FMNL2: variants seen among roughly 807,000 people sequenced by gnomAD.
FMNL2 encodes the protein formin like 2, also known as formin-like protein 2.
In FMNL2, 51 loss-of-function variants were observed where a neutral mutation model predicts 130.2. The observed-to-expected ratio is 0.39, with a 90% CI of 0.31 to 0.49. The LOEUF (loss-of-function observed/expected upper bound fraction) is 0.49. FMNL2 is among the 20% of genes least tolerant of loss of function. FMNL2 has a pLI of 0.85. For missense variants in FMNL2, 977 were observed against 1,316.2 expected (o/e 0.74, Z 3.99); for synonymous variants, 465 against 467.1 (o/e 1.00, Z 0.06).
intron 4 of FMNL2, among the ~76,000 whole-genome samples, chr2:152,551,832 A>G (rs1438330381): frequency 6.6e-6 from 1 of 152,224 alleles, no homozygotes; most frequent in Non-Finnish European, 1.5e-5. Flanking sequence ...CTTGGGTAAC[A>G]TAGTGAGACC....
Position 152,580,847 on chromosome 2 carries a change from A to T in FMNL2, c.783-109A>T, listed in dbSNP as rs1008310940. The T allele has an allele frequency of 3.8e-5, 39 of 1,014,742 alleles. 1 individual carries two copies. Among genetic ancestry groups the T allele is most frequent in the Admixed American group, 1.9e-4 (8 of 42,332 alleles). 62.9% of individuals were successfully genotyped at this position (1,014,742 alleles called of 1,614,324 possible). A position where few individuals can be genotyped will look rare whatever the true frequency, so the allele number is the denominator to read the frequency against. ...AAACTGTACCTTAGTAAAATTTTTT[A>T]AAAATGTAAGGGCAAATGTTTTATT... On this transcript the variant is annotated intron_variant, in intron 8 of 25. Transcript: ENST00000288670.
intron 1 of FMNL2, among the ~76,000 whole-genome samples, chr2:152,422,545 G>T (rs757502152): frequency 2.0e-5 from 3 of 152,078 alleles, no homozygotes; most frequent in Non-Finnish European, 4.4e-5. Flanking sequence ...TTCCTTGGGA[G>T]ACAGGGTCTT....
At chr2:152,480,140 G>A (rs1237345195) in intron 1 of FMNL2, among the ~76,000 whole-genome samples, 2 of 152,138 alleles carry the variant, frequency 1.3e-5, no homozygotes, top group East Asian at 1.9e-4. Context: ...GACGTAGGTG[G>A]TGTAGCAGAC....
At chr2:152,453,163 G>A (rs1688742199) in intron 1 of FMNL2, among the ~76,000 whole-genome samples, 1 of 147,290 alleles carries the variant, frequency 6.8e-6, no homozygotes, top group Non-Finnish European at 1.5e-5. Flanking sequence ...GATCGCACCA[G>A]TACACTCCAG....
intron 15 of FMNL2, among the ~76,000 whole-genome samples, chr2:152,621,663 C>T (rs114659920): frequency 2.4e-3 from 370 of 152,260 alleles, no homozygotes; most frequent in African/African-American, 8.7e-3. Flanking sequence ...TTTGATAGCT[C>T]GAGATCAGGC....
chr2:152,346,809 A>C (rs1485211671), intron 1 of FMNL2, among the ~76,000 whole-genome samples: 1 of 152,146 alleles, frequency 6.6e-6, no homozygotes. Flanking sequence ...ACGGTGGCTC[A>C]GACTGGGTGC....
chr2:152,602,115 A>T (rs1030476014), intron 9 of FMNL2, among the ~76,000 whole-genome samples: 1 of 152,052 alleles, frequency 6.6e-6, no homozygotes, highest in Non-Finnish European at 1.5e-5. Context: ...TCCCATTTCT[A>T]CCCTTATAGC....
chr2:152,349,029 G>C (rs916057783), intron 1 of FMNL2, among the ~76,000 whole-genome samples: 1 of 130,532 alleles, frequency 7.7e-6, no homozygotes, highest in African/African-American at 3.1e-5. Flanking sequence ...TAGAGACGGG[G>C]TTTCACCTTG....
chr2:152,448,027 T>C (rs1188599842), intron 1 of FMNL2, among the ~76,000 whole-genome samples: 1 of 152,204 alleles, frequency 6.6e-6, no homozygotes, highest in Non-Finnish European at 1.5e-5. Flanking sequence ...AAAGGTGGCA[T>C]CTTCATTGAT....
chr2:152,432,704 TG>T (rs1202449730), intron 1 of FMNL2, among the ~76,000 whole-genome samples: 5 of 152,256 alleles, frequency 3.3e-5, no homozygotes, highest in Non-Finnish European at 5.9e-5. Context: ...CTTCTGAGGT[TG>T]AATTGGCATA....
chr2:152,355,838 A>G lies in FMNL2; in HGVS notation c.117+20118A>G, dbSNP rs78902046. 7.4e-3 allele frequency among the ~76,000 whole-genome samples: 1,122 copies of G among 152,342 alleles called. 17 individuals are homozygous for G. Among genetic ancestry groups the G allele is most frequent in the African/African-American group, 0.025 (1,059 of 41,580 alleles). ...CTACTGAGTGGTAGTTCTAATGGAC[A>G]TATTCTTAACAAAATAGTCCCAGCA... is the stretch of plus-strand genomic sequence containing the variant. On this transcript the variant is annotated intron_variant, in intron 1 of 25. Transcript: ENST00000288670.
chr2:152,361,595 A>T (rs17398773), intron 1 of FMNL2, among the ~76,000 whole-genome samples: 2 of 152,012 alleles, frequency 1.3e-5, no homozygotes, highest in East Asian at 1.9e-4. Context: ...AGATAGCATC[A>T]TTCTCATAAA....
chr2:152,598,586 G>A (rs2105806937), intron 9 of FMNL2, among the ~76,000 whole-genome samples: 1 of 152,226 alleles, frequency 6.6e-6, no homozygotes, highest in African/African-American at 2.4e-5. Flanking sequence ...CTACTCAGGA[G>A]GCTGAGGCAG....
At chr2:152,349,883 T>C (rs543533452) in intron 1 of FMNL2, among the ~76,000 whole-genome samples, 49 of 152,330 alleles carry the variant, frequency 3.2e-4, no homozygotes, top group African/African-American at 1.1e-3. Context: ...ATATGCTTTA[T>C]TCAGACAGTC....
chr2:152,441,690 G>T (rs191169403), intron 1 of FMNL2, among the ~76,000 whole-genome samples: 5 of 151,878 alleles, frequency 3.3e-5, no homozygotes, highest in Admixed American at 1.3e-4. Context: ...TACAAAATTA[G>T]TTGGGCATGG....
intron 2 of FMNL2, among the ~76,000 whole-genome samples, chr2:152,529,354 A>G (rs1279446091): frequency 6.6e-6 from 1 of 152,090 alleles, no homozygotes; most frequent in Non-Finnish European, 1.5e-5. Context: ...GGACGAGGTT[A>G]TTTTTCCCAC....
intron 1 of FMNL2, among the ~76,000 whole-genome samples, chr2:152,474,740 GTTT>G (rs912411975): frequency 2.0e-5 from 3 of 152,124 alleles, no homozygotes; most frequent in African/African-American, 7.2e-5. Flanking sequence ...TCACGTACCT[GTTT>G]AGACTGTGCT....
chr2:152,419,922 T>C (rs1197262281), intron 1 of FMNL2, among the ~76,000 whole-genome samples: 4 of 152,206 alleles, frequency 2.6e-5, no homozygotes, highest in Non-Finnish European at 5.9e-5. Flanking sequence ...CCAAGACTAA[T>C]GCCAGGCATC....
At chr2:152,429,781 G>T (rs1687400205) in intron 1 of FMNL2, among the ~76,000 whole-genome samples, 1 of 152,098 alleles carries the variant, frequency 6.6e-6, no homozygotes, top group South Asian at 2.1e-4. Context: ...CTGCTTTTGT[G>T]CCTGGGAGCC....
Sources: allele counts gnomAD v4.1 joint callset (sites outside exome capture counted in the v4.1 genomes callset), GRCh38; gene constraint gnomAD v4.1.1; transcripts MANE v1.5; gene names NCBI Gene and HGNC (gene_info 2026-07-23, HGNC 2026-07-21).